The following PIK3CA variants were observed in gnomAD, a reference collection of about 807,000 sequenced individuals.
The protein encoded by PIK3CA is phosphatidylinositol-4,5-bisphosphate 3-kinase catalytic subunit alpha, also known as phosphatidylinositol 4,5-bisphosphate 3-kinase catalytic subunit alpha isoform.
Under a neutral mutation model 138.2 loss-of-function variants are expected in PIK3CA, and 27 were observed. The ratio of observed to expected loss-of-function variants is 0.20; its 90% confidence interval spans 0.14 to 0.27. PIK3CA has a LOEUF of 0.27. Ranked by LOEUF, PIK3CA falls within the 10% of genes least tolerant of loss-of-function variation. PIK3CA has a pLI of 1.00. For synonymous variants in PIK3CA, 358 were observed against 413.2 expected, an observed-to-expected ratio of 0.87 and a Z score of 1.62; for missense variants, 544 against 1,277.4, an observed-to-expected ratio of 0.43 and a Z score of 8.75.
At chr3:179,157,769 A>C (rs75342270) in intron 1 of PIK3CA, among the ~76,000 whole-genome samples, 7,707 of 152,154 alleles carry the variant, frequency 0.051, 259 homozygotes, top group Middle Eastern at 0.19. Flanking sequence ...CCTTTTCCTA[A>C]ATATATCTCA....
intron 1 of PIK3CA, among the ~76,000 whole-genome samples, chr3:179,175,310 T>C (rs938807966): frequency 1.3e-5 from 2 of 152,252 alleles, no homozygotes; most frequent in African/African-American, 4.8e-5. Flanking sequence ...TACCCAGATA[T>C]TGCTCTGGTA....
intron 1 of PIK3CA, among the ~76,000 whole-genome samples, chr3:179,185,742 T>G (rs1723964733): frequency 6.6e-6 from 1 of 152,182 alleles, no homozygotes; most frequent in African/African-American, 2.4e-5. Flanking sequence ...ATTTCTCGGT[T>G]TATTATAAAG....
At chr3:179,153,233 A>G (rs978738485) in intron 1 of PIK3CA, among the ~76,000 whole-genome samples, 1 of 152,200 alleles carries the variant, frequency 6.6e-6, no homozygotes, top group African/African-American at 2.4e-5. Flanking sequence ...GACTGAAGTT[A>G]TTGATACCTT....
intron 1 of PIK3CA, among the ~76,000 whole-genome samples, chr3:179,160,150 C>T (rs186207751): frequency 8.3e-4 from 126 of 152,142 alleles, no homozygotes; most frequent in African/African-American, 1.5e-3. Context: ...AAAGTAATTG[C>T]GCTACAATGT....
intron 1 of PIK3CA, among the ~76,000 whole-genome samples, chr3:179,165,082 C>A (rs959460875): frequency 2.6e-5 from 4 of 152,106 alleles, no homozygotes; most frequent in African/African-American, 9.7e-5. Flanking sequence ...TTTCTACTCT[C>A]CTCTTTTACT....
intron 4 of PIK3CA, among the ~76,000 whole-genome samples, chr3:179,202,777 T>C (rs1184617651): frequency 2.6e-5 from 4 of 152,222 alleles, no homozygotes; most frequent in Non-Finnish European, 5.9e-5. Context: ...TTAGCAAAAC[T>C]AATGTTTCTC....
intron 6 of PIK3CA, among the ~76,000 whole-genome samples, chr3:179,209,076 A>G (rs1296557882): frequency 6.7e-6 from 1 of 149,724 alleles, no homozygotes; most frequent in Non-Finnish European, 1.5e-5. Context: ...TTAGTGACGT[A>G]TGTAGCACAC....
At chr3:179,174,808 T>TA (rs1723655255) in intron 1 of PIK3CA, among the ~76,000 whole-genome samples, 1 of 152,224 alleles carries the variant, frequency 6.6e-6, no homozygotes, top group South Asian at 2.1e-4. Flanking sequence ...TACATGGGGT[T>TA]ATATTTTTTC....
intron 16 of PIK3CA, among the ~76,000 whole-genome samples, chr3:179,225,388 G>A (rs1030726350): frequency 2.0e-5 from 3 of 152,140 alleles, no homozygotes; most frequent in Non-Finnish European, 2.9e-5. Context: ...TGGAGGAAAA[G>A]GCTATGGGGG....
In PIK3CA at chr3:179,210,419, T is replaced by A; in HGVS notation, c.1405-12T>A. On this transcript the variant is annotated splice_polypyrimidine_tract_variant and intron_variant, in intron 8 of 20. Coordinates refer to ENST00000263967, the MANE Select transcript of PIK3CA (RefSeq NM_006218.4). ...CTTATGTATATATAATAGCTTTTCT[T>A]CCATCTCTTAGGAAACTCCATGCTT... The A allele has an allele frequency of 6.2e-7, 1 of 1,610,112 alleles. No individual in the cohort carries two copies. The highest frequency in any genetic ancestry group is 8.5e-7 in the Non-Finnish European group (1 of 1,178,882).
chr3:179,178,175 A>T (rs1430421668), intron 1 of PIK3CA, among the ~76,000 whole-genome samples: 1 of 140,492 alleles, frequency 7.1e-6, no homozygotes, highest in Admixed American at 7.4e-5. Context: ...AGTCCCAGCT[A>T]TTCAGGAGCT....
chr3:179,213,262 A>G (rs1246581269), intron 9 of PIK3CA, among the ~76,000 whole-genome samples: 1 of 152,230 alleles, frequency 6.6e-6, no homozygotes, highest in African/African-American at 2.4e-5. Flanking sequence ...CAATAGAGTC[A>G]CAAATGTTTT....
chr3:179,172,453 G>T (rs2108363263), intron 1 of PIK3CA, among the ~76,000 whole-genome samples: 1 of 150,724 alleles, frequency 6.6e-6, no homozygotes, highest in East Asian at 1.9e-4. Context: ...CCAAATAGAT[G>T]GCATTTATAC....
chr3:179,208,973 TTATATA>T (rs1034577859), intron 6 of PIK3CA, among the ~76,000 whole-genome samples: 2 of 145,416 alleles, frequency 1.4e-5, no homozygotes, highest in Admixed American at 1.4e-4. Context: ...ATGAGCAAAA[TTATATA>T]TATAAATATA....
intron 1 of PIK3CA, among the ~76,000 whole-genome samples, chr3:179,159,317 C>G (rs1263460750): frequency 6.6e-6 from 1 of 152,078 alleles, no homozygotes; most frequent in African/African-American, 2.4e-5. Context: ...GGGATTATGA[C>G]TAATTTAGGC....
intron 6 of PIK3CA, 46 bp from the exon 7 acceptor site, chr3:179,209,549 G>A (rs763542155): frequency 3.4e-6 from 4 of 1,164,066 alleles, no homozygotes; most frequent in Non-Finnish European, 3.8e-6. Context: ...ATACTTTGAT[G>A]AAGACTTTTC....
chr3:179,214,025 C>T (rs367572715), intron 9 of PIK3CA, among the ~76,000 whole-genome samples: 8 of 152,192 alleles, frequency 5.3e-5, no homozygotes, highest in African/African-American at 1.4e-4. Context: ...AAAAGAGTTA[C>T]GGCCTTGCTC....
In PIK3CA at chr3:179,190,669, G is replaced by A. The variant is rs184670131; in HGVS notation, c.-76-8081G>A. ...CTCTCTCTCTCGTTAATGGGTTGTA[G>A]GGGGGTGAAAGAACCGTCTCTGTCT... On this transcript the variant is annotated intron_variant, in intron 1 of 20. Transcript: ENST00000263967. 5.9e-5 allele frequency among the ~76,000 whole-genome samples: 9 copies of A among 152,144 alleles called. No individual in the cohort carries two copies. In the East Asian group the frequency reaches 1.7e-3, roughly 29 times the overall value.
At position 179,219,306 on chromosome 3, in the gene PIK3CA, A is replaced by G. The variant is rs1331382011; in HGVS notation, c.1746+29A>G. 2 of 1,284,298 alleles carry G rather than the reference A, an allele frequency of 1.6e-6. No individual in the cohort carries two copies. The highest frequency in any genetic ancestry group is 2.3e-6 in the Non-Finnish European group (2 of 882,872). The allele number at this position is 1,284,298 out of a possible 1,614,324, so 79.6% of individuals were successfully genotyped here. On this transcript the variant is annotated intron_variant, in intron 11 of 20. Coordinates refer to ENST00000263967, the MANE Select transcript of PIK3CA (RefSeq NM_006218.4). This position sits in a 1 kb window ranked among gnomAD's most constrained non-coding sequence, Gnocchi z 4.2. ...AATGTATGTTTGAGATTACTAGATA[A>G]CTGTTGTACAAATTGGTATGTCACT...
Sources: allele counts gnomAD v4.1 joint callset (sites outside exome capture counted in the v4.1 genomes callset), GRCh38; gene constraint gnomAD v4.1.1; non-coding constraint Gnocchi (gnomAD v3.1); transcripts MANE v1.5; gene names NCBI Gene and HGNC (gene_info 2026-07-23, HGNC 2026-07-21).